HDAC9: variants seen among roughly 807,000 people sequenced by gnomAD.
HDAC9 encodes the protein MEF-2 interacting transcription repressor (MITR) protein.
HDAC9 carries 41 observed loss-of-function variants against 139.4 expected under a neutral mutation model. The observed-to-expected ratio is 0.29, with a 90% CI of 0.23 to 0.38. The LOEUF (loss-of-function observed/expected upper bound fraction) is 0.38. Among genes scored for constraint, HDAC9 ranks in the 10% least tolerant of loss-of-function variants. The pLI is 1.00. For missense variants in HDAC9, 1,147 were observed against 1,297.0 expected (o/e 0.88, Z 1.78); for synonymous variants, 517 against 476.2 (o/e 1.09, Z -1.12).
intron 2 of HDAC9, among the ~76,000 whole-genome samples, chr7:18,570,020 G>A (rs774951562): frequency 2.0e-4 from 30 of 152,062 alleles, no homozygotes; most frequent in Non-Finnish European, 3.2e-4. Context: ...CATTAACACT[G>A]TTTACAGTTA....
intron 1 of HDAC9, among the ~76,000 whole-genome samples, chr7:18,374,998 CA>C (rs552062622): frequency 1.0e-3 from 152 of 151,716 alleles, no homozygotes; most frequent in Admixed American, 2.2e-3. Flanking sequence ...TAGTTATGTA[CA>C]ACACATATCA....
intron 22 of HDAC9, among the ~76,000 whole-genome samples, chr7:18,881,156 G>A (rs1799710008): frequency 6.6e-6 from 1 of 152,118 alleles, no homozygotes; most frequent in Non-Finnish European, 1.5e-5. Flanking sequence ...ACAAGGCCAT[G>A]TTGTCTACGT....
rs926416075 is a variant in HDAC9, at chr7:18,620,330, A to G, written c.665-9020A>G. 1.3e-4 allele frequency among the ~76,000 whole-genome samples: 20 copies of G among 152,124 alleles called. 1 individual carries two copies. The highest frequency in any genetic ancestry group is 4.8e-4 in the African/African-American group (20 of 41,456). The stretch of plus-strand genomic sequence containing the variant: ...AATAATTAGAATTTTATAACTTACT[A>G]TTAAAATTTATTTTTAAACTGAATC... On this transcript the variant is annotated intron_variant, in intron 6 of 25. Transcript: ENST00000686413.
intron 1 of HDAC9, among the ~76,000 whole-genome samples, chr7:18,405,607 T>C (rs1585665831): frequency 6.6e-6 from 1 of 151,932 alleles, no homozygotes; most frequent in African/African-American, 2.4e-5. Context: ...AGAAAGGTAA[T>C]GGAGATTGGG....
intron 1 of HDAC9, among the ~76,000 whole-genome samples, chr7:18,090,260 G>A (rs1048569269): frequency 1.3e-5 from 2 of 152,142 alleles, no homozygotes; most frequent in Non-Finnish European, 2.9e-5. Flanking sequence ...AGCTGCTCCT[G>A]TGTCTTATGA....
chr7:18,097,577 T>C (rs1193192586), intron 1 of HDAC9, among the ~76,000 whole-genome samples: 2 of 151,938 alleles, frequency 1.3e-5, no homozygotes, highest in Non-Finnish European at 2.9e-5. Flanking sequence ...ATCATTATTA[T>C]CATTTTTAGA....
At position 18,848,513 on chromosome 7, in the gene HDAC9, A is replaced by T. The variant is rs1347317614; in HGVS notation, c.2684+12516A>T. ...CTCTCCATGCACACACACCGAGGCA[A>T]GGCTATGGGTGCACGCAGCGAGATA... On this transcript the variant is annotated intron_variant, in intron 21 of 25. Coordinates refer to ENST00000686413, the MANE Select transcript of HDAC9 (RefSeq NM_178425.4). Among the ~76,000 whole-genome samples, 5 of 151,804 alleles carry T rather than the reference A, an allele frequency of 3.3e-5. No homozygotes were observed. In the East Asian group the frequency reaches 9.7e-4, roughly 30 times the overall value.
intron 9 of HDAC9, 132 bp from the exon 10 acceptor site, chr7:18,647,653 T>A: frequency 1.5e-6 from 1 of 675,362 alleles, no homozygotes; most frequent in Non-Finnish European, 2.4e-6. Context: ...CCATTTTCCC[T>A]GCTCAGCCAT....
chr7:18,833,558 TTTAA>T (rs1490258797), intron 19 of HDAC9, among the ~76,000 whole-genome samples: 4 of 152,246 alleles, frequency 2.6e-5, no homozygotes, highest in Non-Finnish European at 4.4e-5. Flanking sequence ...ACATTGTGGC[TTTAA>T]TTGTTTCACC....
At chr7:18,316,633 C>CA (rs10641889) in intron 1 of HDAC9, among the ~76,000 whole-genome samples, 1,461 of 100,286 alleles carry the variant, frequency 0.015, 80 homozygotes, top group African/African-American at 0.039. Context: ...CAGATCTCTC[C>CA]AAAAAAAAAA....
rs1159079160 is a variant in HDAC9 at position 18,460,465 on chromosome 7, C to T, written c.-41-35797C>T. Reference sequence around the variant, plus strand: ...AAAGGTTTCTGTATTTTATGGAATTCGAATTCATTCTATTGTATTAAGAGT... The same window carrying T: ...AAAGGTTTCTGTATTTTATGGAATTTGAATTCATTCTATTGTATTAAGAGT... On this transcript the variant is annotated intron_variant, in intron 1 of 3. Coordinates refer to the HDAC9 transcript ENST00000413509. 7.2e-5 allele frequency among the ~76,000 whole-genome samples: 11 copies of T among 151,858 alleles called. No homozygotes were observed. In the South Asian group the frequency reaches 1.2e-3, roughly 17 times the overall value.
chr7:18,967,319 T>G (rs749057089), intron 24 of HDAC9, among the ~76,000 whole-genome samples: 17 of 152,186 alleles, frequency 1.1e-4, no homozygotes, highest in Non-Finnish European at 2.1e-4. Flanking sequence ...TGGTATTACT[T>G]TTAAAAGTTC....
intron 1 of HDAC9, among the ~76,000 whole-genome samples, chr7:18,379,862 T>C (rs936503307): frequency 6.6e-6 from 1 of 152,328 alleles, no homozygotes; most frequent in Non-Finnish European, 1.5e-5. Context: ...ACATAGATGC[T>C]GCAGATTTCC....
At chr7:18,376,291 C>A (rs1784989682) in intron 1 of HDAC9, among the ~76,000 whole-genome samples, 1 of 152,176 alleles carries the variant, frequency 6.6e-6, no homozygotes, top group Non-Finnish European at 1.5e-5. Flanking sequence ...GAGATAATTT[C>A]TCTTCTAAAT....
intron 12 of HDAC9, among the ~76,000 whole-genome samples, chr7:18,699,547 T>C (rs73313388): frequency 0.014 from 2,172 of 152,314 alleles, 53 homozygotes; most frequent in African/African-American, 0.05. Context: ...CTTTAGAGGT[T>C]CTTGTATATC....
At chr7:18,727,490 TG>T in intron 12 of HDAC9, 89 bp from the exon 13 acceptor site, 1 of 1,084,482 alleles carries the variant, frequency 9.2e-7, no homozygotes, top group Non-Finnish European at 1.3e-6. Flanking sequence ...GTCTCTGACC[TG>T]ATGAACTTAA....
intron 3 of HDAC9, among the ~76,000 whole-genome samples, chr7:18,586,296 A>G (rs1829454550): frequency 2.0e-5 from 3 of 152,170 alleles, no homozygotes; most frequent in East Asian, 1.9e-4. Context: ...CTTTATTTGT[A>G]AAACATCTTG....
At chr7:18,467,725 C>T (rs1794399589) in intron 1 of HDAC9, among the ~76,000 whole-genome samples, 1 of 152,144 alleles carries the variant, frequency 6.6e-6, no homozygotes, top group South Asian at 2.1e-4. Flanking sequence ...ACGTTTATTA[C>T]AACCAGAGAA....
intron 2 of HDAC9, among the ~76,000 whole-genome samples, chr7:18,239,389 A>G (rs954719167): frequency 6.6e-6 from 1 of 152,142 alleles, no homozygotes; most frequent in African/African-American, 2.4e-5. Flanking sequence ...CTGCAACCAC[A>G]TAGCATGGAG....
Sources: gnomAD v4.1 joint callset for allele counts (sites outside exome capture counted in the v4.1 genomes callset) on GRCh38, gnomAD v4.1.1 for gene constraint, MANE v1.5 for transcripts, NCBI Gene and HGNC (gene_info 2026-07-23, HGNC 2026-07-21) for gene names.